The following ATG101 variants were observed in gnomAD, a reference collection of about 807,000 sequenced individuals.
ATG101 encodes autophagy-related protein 101.
Under a neutral mutation model 16.7 loss-of-function variants are expected in ATG101, and 6 were observed. The observed-to-expected ratio is 0.36, with a 90% confidence interval of 0.20 to 0.71. The LOEUF is 0.71. Ranked by LOEUF, ATG101 falls within the 30% of genes least tolerant of loss-of-function variation. The probability of loss-of-function intolerance (pLI) is 0.57; values close to 1 mark genes in which losing one functional copy is unlikely to be tolerated. For missense variants in ATG101, 200 were observed against 292.5 expected (o/e 0.68, Z 2.31); for synonymous variants, 108 against 118.1 (o/e 0.91, Z 0.56).
upstream of ATG101, chr12:52,069,742 C>T (rs550319243): frequency 2.1e-5 from 3 of 145,788 alleles, no homozygotes; most frequent in African/African-American, 5.1e-5. Flanking sequence ...GCTGAATGGA[C>T]TCGTCCACAT....
In ATG101 at chr12:52,077,427, C is replaced by T. The variant is rs1381971348; in HGVS notation, c.*237C>T. The T allele has an allele frequency of 1.8e-6, 1 of 565,826 alleles. No homozygotes were observed. Among genetic ancestry groups the T allele is most frequent in the Non-Finnish European group, 3.1e-6 (1 of 318,474 alleles). 35.1% of individuals were successfully genotyped at this position (565,826 alleles called of 1,614,324 possible). On this transcript the variant is annotated 3_prime_UTR_variant, in exon 4 of 4. Transcript: ENST00000336854. ...CCATAGCCCTGGTGGGGTCCCCCTT[C>T]TTTCTCCACTGTACAGAAGAGCCAC...
chr12:52,067,091 G>T (rs2120593212), upstream of ATG101, among the ~76,000 whole-genome samples: 1 of 152,320 alleles, frequency 6.6e-6, no homozygotes, highest in Middle Eastern at 3.4e-3. Context: ...GAACTGTGGG[G>T]AGGAAGGGAA....
chr12:52,074,240 CTT>C (rs1267380345), intron 3 of ATG101, among the ~76,000 whole-genome samples: 1 of 152,236 alleles, frequency 6.6e-6, no homozygotes, highest in Non-Finnish European at 1.5e-5. Context: ...TCTGCTTCTG[CTT>C]CCACTTTTCC....
At chr12:52,070,860 A>G (rs1939638855) in intron 2 of ATG101, 1 of 152,240 alleles carries the variant, frequency 6.6e-6, no homozygotes, top group Non-Finnish European at 1.5e-5. Context: ...TCTAGATGGG[A>G]AGAAAACTGC....
chr12:52,069,776 A>T (rs1565660125), upstream of ATG101: 1 of 151,652 alleles, frequency 6.6e-6, no homozygotes, highest in Non-Finnish European at 1.5e-5. Flanking sequence ...ATCACCATCA[A>T]CTCTTAAAAT....
Position 52,077,338 on chromosome 12 carries a change from G to A in ATG101, c.*148G>A, listed in dbSNP as rs1939750093. 1.2e-6 allele frequency: 1 copy of A among 868,632 alleles called. No homozygotes were observed. The highest frequency in any genetic ancestry group is 1.7e-6 in the Non-Finnish European group (1 of 580,690). 53.8% of individuals were successfully genotyped at this position (868,632 alleles called of 1,614,324 possible). A position where few individuals can be genotyped will look rare whatever the true frequency, so the allele number is the denominator to read the frequency against. On this transcript the variant is annotated 3_prime_UTR_variant, in exon 4 of 4. Coordinates refer to ENST00000336854, the MANE Select transcript of ATG101 (RefSeq NM_021934.5). ...CCCCCGCTGGCTTCTTGGTTTTGTG[G>A]TTGCCAGCCTCAGGTCATCCTTTTA...
intron 3 of ATG101, 59 bp downstream of exon 3, chr12:52,073,961 C>T (rs2120621535): frequency 1.1e-5 from 17 of 1,590,266 alleles, no homozygotes; most frequent in South Asian, 4.5e-5. Context: ...AGGGGGGCCT[C>T]GAGTGCTCCT....
chr12:52,077,375 C>T lies in ATG101; in HGVS notation c.*185C>T, dbSNP rs11521. On this transcript the variant is annotated 3_prime_UTR_variant, in exon 4 of 4. Coordinates refer to ENST00000336854, the MANE Select transcript of ATG101 (RefSeq NM_021934.5). ...AGGTCATCCTTTTAATCTTTGCTGA[C>T]GGTTCAGTCCTGCCTCTACTGTCTC... The T allele has an allele frequency of 0.23, 153,517 of 677,814 alleles. 20,743 individuals are homozygous for T. Among genetic ancestry groups the T allele is most frequent in the East Asian group, 0.5 (18,453 of 36,686 alleles). 42.0% of individuals were successfully genotyped at this position (677,814 alleles called of 1,614,324 possible).
At chr12:52,075,093 G>A (rs965774391) in intron 3 of ATG101, among the ~76,000 whole-genome samples, 2 of 152,242 alleles carry the variant, frequency 1.3e-5, no homozygotes, top group African/African-American at 4.8e-5. Flanking sequence ...CGGGGGAGCT[G>A]TGTGTCTGAC....
intron 3 of ATG101, among the ~76,000 whole-genome samples, chr12:52,074,774 C>T (rs1212312479): frequency 6.6e-6 from 1 of 152,102 alleles, no homozygotes; most frequent in East Asian, 1.9e-4. Flanking sequence ...GCCCTGGAAA[C>T]ATGGCGAAAC....
chr12:52,068,921 G>T (rs183332071), upstream of ATG101, among the ~76,000 whole-genome samples: 7 of 146,752 alleles, frequency 4.8e-5, no homozygotes, highest in African/African-American at 1.0e-4. Flanking sequence ...AACCCAGGAG[G>T]CGGAGCTTGC....
chr12:52,074,089 G>GCA (rs1939696723), intron 3 of ATG101, among the ~76,000 whole-genome samples, 187 bp downstream of exon 3: 1 of 152,172 alleles, frequency 6.6e-6, no homozygotes, highest in Non-Finnish European at 1.5e-5. Flanking sequence ...GCGCGGGCGC[G>GCA]TGTGTGTGTG....
At chr12:52,073,974 A>G in intron 3 of ATG101, 72 bp downstream of exon 3, 2 of 1,572,850 alleles carry the variant, frequency 1.3e-6, no homozygotes, top group East Asian at 2.3e-5. Context: ...GTGCTCCTCC[A>G]CTCCAGCTTG....
intron 3 of ATG101, among the ~76,000 whole-genome samples, chr12:52,075,682 C>T (rs1231164106): frequency 6.6e-6 from 1 of 152,222 alleles, no homozygotes; most frequent in African/African-American, 2.4e-5. Flanking sequence ...GGGCCACTCA[C>T]ACCCATGGGG....
In ATG101 at chr12:52,077,299, C is replaced by G. The variant is rs1939748861; in HGVS notation, c.*109C>G. ...AACCTGCTCTGGGTCATTGGTGAGA[C>G]TTGGAAGGGGCAGCCCCCGCTGGCT... On this transcript the variant is annotated 3_prime_UTR_variant, in exon 4 of 4. Transcript: ENST00000336854. 7.8e-7 allele frequency: 1 copy of G among 1,282,096 alleles called. No homozygotes were observed. The allele number at this position is 1,282,096 out of a possible 1,614,324, so 79.4% of individuals were successfully genotyped here.
upstream of ATG101, among the ~76,000 whole-genome samples, chr12:52,067,049 C>G (rs1939558392): frequency 6.6e-6 from 1 of 152,140 alleles, no homozygotes; most frequent in Non-Finnish European, 1.5e-5. Context: ...GCACCCACAC[C>G]TGGGATAAGA....
At chr12:52,068,822 TAAA>T (rs947668868), upstream of ATG101, among the ~76,000 whole-genome samples, 1 of 150,038 alleles carries the variant, frequency 6.7e-6, no homozygotes, top group Non-Finnish European at 1.5e-5. Context: ...CCGTCTCTAC[TAAA>T]AAAAATACAA....
upstream of ATG101, among the ~76,000 whole-genome samples, chr12:52,065,861 G>A (rs1340325386): frequency 6.6e-6 from 1 of 152,126 alleles, no homozygotes; most frequent in Non-Finnish European, 1.5e-5. Flanking sequence ...CATATGTGGC[G>A]GCAGAAAGAG....
chr12:52,070,036 A>G lies in ATG101; in HGVS notation c.-413A>G, dbSNP rs1371033496. ...TGGAGCCTGCCGGGAGAGTGGTGGC[A>G]TCTGAGAGGCTGGTCGTGGACTGTG... is the stretch of plus-strand genomic sequence containing the variant. On this transcript the variant is annotated 5_prime_UTR_variant, in exon 1 of 4. Coordinates refer to ENST00000336854, the MANE Select transcript of ATG101 (RefSeq NM_021934.5). 6.6e-6 allele frequency: 1 copy of G among 152,338 alleles called. No homozygotes were observed. Among genetic ancestry groups the G allele is most frequent in the Non-Finnish European group, 1.5e-5 (1 of 68,206 alleles). The allele number at this position is 152,338 out of a possible 1,614,324, so 9.4% of individuals were successfully genotyped here. A position where few individuals can be genotyped will look rare whatever the true frequency, so the allele number is the denominator to read the frequency against.
Sources: allele counts gnomAD v4.1 joint callset (sites outside exome capture counted in the v4.1 genomes callset), GRCh38; gene constraint gnomAD v4.1.1; transcripts MANE v1.5; gene names NCBI Gene and HGNC (gene_info 2026-07-23, HGNC 2026-07-21).